Variants in LRRC7 observed in about 807,000 individuals in gnomAD.
LRRC7 encodes leucine-rich repeat-containing protein 7.
In LRRC7, 23 loss-of-function variants were observed where a neutral mutation model predicts 175.7. That is an observed-to-expected ratio of 0.13 (90% CI 0.09 to 0.19). The LOEUF (loss-of-function observed/expected upper bound fraction) is 0.19. LRRC7 is among the 10% of genes least tolerant of loss of function. The pLI is 1.00. For synonymous variants in LRRC7, 685 were observed against 680.9 expected (o/e 1.01, Z -0.09); for missense variants, 1,354 against 1,904.7 (o/e 0.71, Z 5.38).
intron 1 of LRRC7, among the ~76,000 whole-genome samples, chr1:69,635,572 T>C (rs1484611439): frequency 1.3e-5 from 2 of 152,150 alleles, no homozygotes; most frequent in Non-Finnish European, 2.9e-5. Flanking sequence ...TTTATCCATC[T>C]AAAATGCTTT....
intron 8 of LRRC7, among the ~76,000 whole-genome samples, chr1:69,977,957 A>C (rs1276175161): frequency 1.3e-5 from 2 of 152,236 alleles, no homozygotes. Context: ...TATTGTATTC[A>C]TATGAGCTTT....
chr1:69,925,196 G>A (rs576446152), intron 7 of LRRC7, among the ~76,000 whole-genome samples: 22 of 152,288 alleles, frequency 1.4e-4, no homozygotes, highest in South Asian at 6.2e-4. Flanking sequence ...GCTGGATTCG[G>A]TTTGCCAGTA....
At chr1:69,695,300 G>A (rs1662427913) in intron 2 of LRRC7, among the ~76,000 whole-genome samples, 1 of 152,150 alleles carries the variant, frequency 6.6e-6, no homozygotes, top group Non-Finnish European at 1.5e-5. Context: ...TAGAGTATCT[G>A]GCAGAAGAAA....
chr1:69,674,504 A>G (rs748316058), intron 1 of LRRC7, among the ~76,000 whole-genome samples: 4 of 152,186 alleles, frequency 2.6e-5, no homozygotes, highest in African/African-American at 7.2e-5. Flanking sequence ...AATATATTAC[A>G]AAATATTTTA....
At chr1:70,043,522 C>G (rs1402887637) in intron 21 of LRRC7, among the ~76,000 whole-genome samples, 1 of 152,038 alleles carries the variant, frequency 6.6e-6, no homozygotes, top group South Asian at 2.1e-4. Context: ...AAATTAGAAA[C>G]TAATATTTGT....
intron 3 of LRRC7, among the ~76,000 whole-genome samples, chr1:69,763,971 A>G (rs1671322340): frequency 6.6e-6 from 1 of 152,038 alleles, no homozygotes; most frequent in Non-Finnish European, 1.5e-5. Flanking sequence ...AATCTCTACT[A>G]TAAGATGTTA....
intron 3 of LRRC7, among the ~76,000 whole-genome samples, chr1:69,781,810 G>A (rs1463839912): frequency 5.7e-5 from 5 of 87,646 alleles, no homozygotes; most frequent in South Asian, 3.7e-4. Context: ...AGGAAGGAAG[G>A]AAGGAAGGAA....
At chr1:69,692,654 T>C (rs1662034241) in intron 2 of LRRC7, among the ~76,000 whole-genome samples, 1 of 152,160 alleles carries the variant, frequency 6.6e-6, no homozygotes, top group African/African-American at 2.4e-5. Context: ...TTCCAAAATA[T>C]GATGATCAAA....
At chr1:69,819,573 CTCTCTGTGTGTGTG>C (rs1284603977) in intron 4 of LRRC7, among the ~76,000 whole-genome samples, 217 of 128,162 alleles carry the variant, frequency 1.7e-3, no homozygotes, top group African/African-American at 7.5e-3. Context: ...CTCTCTCTCT[CTCTCTGTGTGTGTG>C]TGTGTGTGTG....
At chr1:69,906,996 C>T (rs1009155673) in intron 7 of LRRC7, among the ~76,000 whole-genome samples, 10 of 151,902 alleles carry the variant, frequency 6.6e-5, no homozygotes, top group Non-Finnish European at 1.2e-4. Flanking sequence ...AGTTGGATTC[C>T]TAGGTATTTT....
chr1:69,623,177 G>GA (rs1650914285), intron 1 of LRRC7, among the ~76,000 whole-genome samples: 2 of 152,144 alleles, frequency 1.3e-5, no homozygotes, highest in Admixed American at 6.5e-5. Flanking sequence ...TTCCTTCAGG[G>GA]AAACTCCAAC....
intron 1 of LRRC7, among the ~76,000 whole-genome samples, chr1:69,601,599 C>A (rs144183462): frequency 6.6e-6 from 1 of 152,102 alleles, no homozygotes; most frequent in African/African-American, 2.4e-5. Context: ...TTACTTAGAT[C>A]GTATTTTTCC....
intron 2 of LRRC7, among the ~76,000 whole-genome samples, chr1:69,701,422 G>C (rs1465715716): frequency 2.6e-5 from 4 of 152,152 alleles, no homozygotes; most frequent in African/African-American, 9.7e-5. Context: ...CCCAGTGCCT[G>C]ACACATGGAG....
At chr1:70,007,024 G>A (rs1383481342) in intron 11 of LRRC7, among the ~76,000 whole-genome samples, 5 of 152,048 alleles carry the variant, frequency 3.3e-5, no homozygotes, top group Non-Finnish European at 7.4e-5. Flanking sequence ...TTGACCTTTT[G>A]GGTTTTTGTG....
At chr1:70,073,060 G>A (rs1662508795) in intron 23 of LRRC7, among the ~76,000 whole-genome samples, 1 of 152,142 alleles carries the variant, frequency 6.6e-6, no homozygotes, top group Non-Finnish European at 1.5e-5. Flanking sequence ...CTTGGGAAAT[G>A]TACTTAACCT....
At chr1:69,889,963 C>T (rs1350679560) in intron 7 of LRRC7, among the ~76,000 whole-genome samples, 2 of 152,234 alleles carry the variant, frequency 1.3e-5, no homozygotes, top group African/African-American at 4.8e-5. Context: ...GGCTCCACTT[C>T]TAATTTTAGA....
rs1192695051 is a variant in LRRC7, at chr1:69,924,656, T to C, written c.648-6851T>C. On this transcript the variant is annotated intron_variant, in intron 7 of 26. Coordinates refer to ENST00000651989, the MANE Select transcript of LRRC7 (RefSeq NM_001370785.2). ...ATTTTTGTACATTGATTTTATATCC[T>C]GAGACTTTGCTGAAGTTGCTTATCA... is the stretch of plus-strand genomic sequence containing the variant. Among the ~76,000 whole-genome samples, 3 of 152,342 alleles carry C rather than the reference T, an allele frequency of 2.0e-5. No individual in the cohort carries two copies. In the East Asian group the frequency reaches 5.8e-4, roughly 29 times the overall value.
chr1:69,695,564 T>C (rs2100674862), intron 2 of LRRC7, among the ~76,000 whole-genome samples: 1 of 152,214 alleles, frequency 6.6e-6, no homozygotes, highest in South Asian at 2.1e-4. Context: ...CAAGCACTAA[T>C]AGCCAAGAAA....
intron 25 of LRRC7, among the ~76,000 whole-genome samples, chr1:70,106,144 C>T (rs187957190): frequency 2.0e-5 from 3 of 152,166 alleles, no homozygotes; most frequent in African/African-American, 4.8e-5. Flanking sequence ...GAATAAAAAA[C>T]TATTAACAGT....
Sources: allele counts gnomAD v4.1 joint callset (sites outside exome capture counted in the v4.1 genomes callset), GRCh38; gene constraint gnomAD v4.1.1; transcripts MANE v1.5; gene names NCBI Gene and HGNC (gene_info 2026-07-23, HGNC 2026-07-21).